SYT16: variants seen among roughly 807,000 people sequenced by gnomAD.
The protein encoded by SYT16 is synaptotagmin 16.
SYT16 carries 42 observed loss-of-function variants against 61.4 expected under a neutral mutation model. That is an observed-to-expected ratio of 0.68 (90% CI 0.53 to 0.89). SYT16 has a LOEUF of 0.89. SYT16 is among the 40% of genes least tolerant of loss of function. The pLI, the probability that SYT16 is intolerant of heterozygous loss-of-function variation, is 0.00. For missense variants in SYT16, 804 were observed against 807.3 expected, an observed-to-expected ratio of 1.00 and a Z score of 0.05; for synonymous variants, 314 against 302.3, an observed-to-expected ratio of 1.04 and a Z score of -0.40.
At chr14:61,951,636 G>A (rs776329432) in intron 1 of SYT16, among the ~76,000 whole-genome samples, 3 of 151,840 alleles carry the variant, frequency 2.0e-5, no homozygotes, top group Admixed American at 6.6e-5. Context: ...TCTCTCATTT[G>A]TAAAAATATT....
intron 1 of SYT16, among the ~76,000 whole-genome samples, chr14:61,886,410 C>T (rs190961212): frequency 5.0e-4 from 76 of 152,304 alleles, no homozygotes; most frequent in African/African-American, 1.8e-3. Flanking sequence ...TAGAGTCAAT[C>T]CTCTCGAACC....
At chr14:61,910,441 G>T (rs2048887456) in intron 1 of SYT16, among the ~76,000 whole-genome samples, 1 of 151,644 alleles carries the variant, frequency 6.6e-6, no homozygotes. Flanking sequence ...GTTTTACCAT[G>T]TTGGCCAGGC....
chr14:61,998,735 C>T (rs577379626), intron 3 of SYT16, among the ~76,000 whole-genome samples: 4 of 151,902 alleles, frequency 2.6e-5, no homozygotes, highest in Non-Finnish European at 5.9e-5. Context: ...ATCCTTGCCT[C>T]AATCTTAAAC....
chr14:62,007,692 T>C (rs2053278700), intron 3 of SYT16, among the ~76,000 whole-genome samples: 1 of 152,122 alleles, frequency 6.6e-6, no homozygotes, highest in African/African-American at 2.4e-5. Context: ...ATTCAATCCT[T>C]ACTTTGACTT....
At chr14:61,975,170 A>C (rs2051733066) in intron 2 of SYT16, among the ~76,000 whole-genome samples, 1 of 152,266 alleles carries the variant, frequency 6.6e-6, no homozygotes, top group African/African-American at 2.4e-5. Context: ...CAAAAAAATC[A>C]TGTGTTGAAC....
chr14:61,888,976 G>A lies in SYT16; in HGVS notation c.-325+76166G>A, dbSNP rs1462835352. Among the ~76,000 whole-genome samples, 3 of 152,162 alleles carry A rather than the reference G, an allele frequency of 2.0e-5. No homozygotes were observed. In the East Asian group the frequency reaches 5.8e-4, roughly 29 times the overall value. ...AGGACTTAGGATCACATTCACTGTA[G>A]GAGGCCCAGAAAAGGTCATAATAGT... On this transcript the variant is annotated intron_variant, in intron 1 of 7. Coordinates refer to ENST00000683842, the MANE Select transcript of SYT16 (RefSeq NM_001367656.1).
At chr14:62,077,647 A>G (rs2056543532) in intron 5 of SYT16, 1 of 152,256 alleles carries the variant, frequency 6.6e-6, no homozygotes, top group Admixed American at 6.5e-5. Context: ...AACAGTACCC[A>G]AGTGAGGAGC....
chr14:62,075,617 AAAG>A lies in SYT16; in HGVS notation c.993+229_993+231del, dbSNP rs1197380589. On this transcript the variant is annotated intron_variant, in intron 5 of 7. Transcript: ENST00000683842. ...AAGGATGAACGGTAAAAAAAAAAAAAAAGAAAAAAAGAAAAAAAAATAAGAATG... is the reference window on the plus strand; with the variant it reads ...AAGGATGAACGGTAAAAAAAAAAAAAAAAAAAAGAAAAAAAAATAAGAATG... 1.1e-3 allele frequency among the ~76,000 whole-genome samples: 131 copies of A among 114,046 alleles called. 3 individuals are homozygous for A. Among genetic ancestry groups the A allele is most frequent in the South Asian group, 8.1e-3 (29 of 3,598 alleles). 74.8% of individuals were successfully genotyped at this position (114,046 alleles called of 152,430 possible). A position where few individuals can be genotyped will look rare whatever the true frequency, so the allele number is the denominator to read the frequency against.
At chr14:62,072,711 C>T (rs896041511) in intron 4 of SYT16, among the ~76,000 whole-genome samples, 2 of 152,128 alleles carry the variant, frequency 1.3e-5, no homozygotes, top group African/African-American at 4.8e-5. Flanking sequence ...GTAATTGGCA[C>T]CTATAGTCTA....
Position 62,100,619 on chromosome 14 carries a change from G to C in SYT16, c.1850G>C (p.Ser617Thr), listed in dbSNP as rs2057398107. ...IGWIALGQNS[S>T]GEEEQDHWEE... ...TGGATTGCCCTGGGCCAGAACAGCA[G>C]TGGAGAGGAGGAACAAGATCACTGG... Residue 617 changes from serine to threonine, a missense_variant, in exon 8 of 8, where the codon AGT becomes ACT. Ser to Thr is a moderately conservative substitution (Grantham distance 58, BLOSUM62 1). Coordinates refer to ENST00000683842, the MANE Select transcript of SYT16 (RefSeq NM_001367656.1). 1.2e-6 allele frequency: 2 copies of C among 1,613,884 alleles called. No individual in the cohort carries two copies. Among genetic ancestry groups the C allele is most frequent in the Non-Finnish European group, 8.5e-7 (1 of 1,179,822 alleles).
At chr14:62,049,169 G>C (rs1048764946) in intron 3 of SYT16, among the ~76,000 whole-genome samples, 2 of 152,174 alleles carry the variant, frequency 1.3e-5, no homozygotes, top group African/African-American at 4.8e-5. Context: ...CCTGTATTGG[G>C]TACATATATA....
chr14:61,979,711 G>T (rs904327261), intron 2 of SYT16, among the ~76,000 whole-genome samples: 2 of 152,022 alleles, frequency 1.3e-5, no homozygotes, highest in Non-Finnish European at 2.9e-5. Flanking sequence ...GTGAAACCCC[G>T]TCTCTACTAA....
chr14:62,056,315 C>T (rs1455001018), intron 3 of SYT16, among the ~76,000 whole-genome samples: 1 of 152,184 alleles, frequency 6.6e-6, no homozygotes, highest in African/African-American at 2.4e-5. Flanking sequence ...GGTACCACCC[C>T]TTTAGGGGCC....
At chr14:62,083,036 T>C (rs1318263404) in intron 6 of SYT16, among the ~76,000 whole-genome samples, 1 of 151,962 alleles carries the variant, frequency 6.6e-6, no homozygotes, top group African/African-American at 2.4e-5. Flanking sequence ...CACTTAAGAG[T>C]AAGCAAATAT....
At chr14:61,832,216 C>T in intron 1 of SYT16, 2 of 637,920 alleles carry the variant, frequency 3.1e-6, no homozygotes, top group South Asian at 2.8e-5. Flanking sequence ...AGGTGCTTGA[C>T]ATGGGCCACA....
At chr14:62,099,793 G>A (rs897262701) in intron 7 of SYT16, among the ~76,000 whole-genome samples, 6 of 152,074 alleles carry the variant, frequency 3.9e-5, no homozygotes, top group Non-Finnish European at 5.9e-5. Context: ...GGGTAGGATC[G>A]CTTTGGGCCC....
At chr14:61,831,914 A>T in intron 1 of SYT16, 1 of 507,382 alleles carries the variant, frequency 2.0e-6, no homozygotes. Context: ...GAAGCCCTGC[A>T]GGGGTTCACC....
At chr14:61,900,029 T>C (rs1055333736) in intron 1 of SYT16, among the ~76,000 whole-genome samples, 4 of 152,192 alleles carry the variant, frequency 2.6e-5, no homozygotes, top group Non-Finnish European at 5.9e-5. Flanking sequence ...GAATATGGGA[T>C]ATATTAATAC....
intron 3 of SYT16, among the ~76,000 whole-genome samples, chr14:62,064,500 A>G (rs2055974233): frequency 6.6e-6 from 1 of 152,154 alleles, no homozygotes; most frequent in Admixed American, 6.5e-5. Context: ...TGTGAAATAG[A>G]GGGAATAGAT....
Sources: gnomAD v4.1 joint callset for allele counts (sites outside exome capture counted in the v4.1 genomes callset) on GRCh38, gnomAD v4.1.1 for gene constraint, MANE v1.5 for transcripts, NCBI Gene and HGNC (gene_info 2026-07-23, HGNC 2026-07-21) for gene names.